CAST: variants seen among roughly 807,000 people sequenced by gnomAD.
CAST encodes the protein calpastatin.
CAST carries 76 observed loss-of-function variants against 119.6 expected under a neutral mutation model. The observed-to-expected ratio is 0.64, with a 90% CI of 0.53 to 0.77. The LOEUF (loss-of-function observed/expected upper bound fraction) is 0.77. CAST is among the 30% of genes least tolerant of loss of function. CAST has a pLI of 0.00. For missense variants in CAST, 953 were observed against 946.5 expected (o/e 1.01, Z -0.09); for synonymous variants, 319 against 331.6 (o/e 0.96, Z 0.41).
the CAST span, among the ~76,000 whole-genome samples, chr5:96,272,735 G>A: frequency 2.3e-4 from 35 of 152,238 alleles, no homozygotes; most frequent in African/African-American, 8.2e-4. Flanking sequence ...AAAATAGCTA[G>A]AAGGGAATAA....
chr5:96,544,730 G>T (rs1053771094), intron 1 of CAST, among the ~76,000 whole-genome samples: 1 of 151,740 alleles, frequency 6.6e-6, no homozygotes, highest in Admixed American at 6.6e-5. Context: ...GTAGAAAAGA[G>T]TTAAAAATAT....
the CAST span, among the ~76,000 whole-genome samples, chr5:96,456,720 G>T: frequency 6.6e-6 from 1 of 152,188 alleles, no homozygotes; most frequent in African/African-American, 2.4e-5. Flanking sequence ...ATCTAGAGAG[G>T]TAGTGATATA....
At chr5:96,648,500 T>C (rs1283829974) in intron 1 of CAST, among the ~76,000 whole-genome samples, 1 of 152,166 alleles carries the variant, frequency 6.6e-6, no homozygotes, top group Non-Finnish European at 1.5e-5. Flanking sequence ...TCTGTATATT[T>C]AAGTTTCAGC....
chr5:96,418,577 G>C, the CAST span, among the ~76,000 whole-genome samples: 1 of 151,944 alleles, frequency 6.6e-6, no homozygotes, highest in Non-Finnish European at 1.5e-5. Context: ...TCATTTACGT[G>C]GTAATAAAGA....
the CAST span, among the ~76,000 whole-genome samples, chr5:96,122,992 A>G: frequency 3.5e-3 from 530 of 152,280 alleles, 2 homozygotes; most frequent in African/African-American, 4.5e-3. Flanking sequence ...CCAGAGCACA[A>G]GAAATATCTC....
chr5:96,379,213 G>C, the CAST span, among the ~76,000 whole-genome samples: 4 of 152,072 alleles, frequency 2.6e-5, no homozygotes, highest in African/African-American at 9.7e-5. Context: ...TTGAATATTG[G>C]CTTAAAAAGT....
At chr5:96,554,388 T>G (rs1005102634) in intron 1 of CAST, among the ~76,000 whole-genome samples, 2 of 152,160 alleles carry the variant, frequency 1.3e-5, no homozygotes, top group African/African-American at 4.8e-5. Context: ...TCCTTACACC[T>G]GACACAAAAA....
At chr5:96,735,224 C>T (rs1370413954) in intron 9 of CAST, among the ~76,000 whole-genome samples, 3 of 152,226 alleles carry the variant, frequency 2.0e-5, no homozygotes, top group Admixed American at 2.0e-4. Flanking sequence ...TATAGATTCA[C>T]TTATCTAATA....
intron 1 of CAST, among the ~76,000 whole-genome samples, chr5:96,610,554 T>G (rs1747342167): frequency 6.6e-6 from 1 of 152,094 alleles, no homozygotes; most frequent in South Asian, 2.1e-4. Context: ...AGACCCACAA[T>G]GAACATCATA....
the CAST span, among the ~76,000 whole-genome samples, chr5:96,308,391 G>C: frequency 6.6e-6 from 1 of 151,774 alleles, no homozygotes; most frequent in Admixed American, 6.6e-5. Flanking sequence ...CCTTGCATTG[G>C]GTTAGAACAT....
the CAST span, among the ~76,000 whole-genome samples, chr5:96,226,609 A>G: frequency 6.6e-6 from 1 of 152,152 alleles, no homozygotes; most frequent in African/African-American, 2.4e-5. Context: ...GTGAGCCAAG[A>G]TCACACCACT....
the CAST span, among the ~76,000 whole-genome samples, chr5:96,000,366 TA>T: frequency 5.3e-5 from 8 of 152,366 alleles, no homozygotes; most frequent in South Asian, 1.7e-3. Flanking sequence ...TGCTTTCTGT[TA>T]TTTAGCTTCT....
chr5:96,482,545 A>C, the CAST span, among the ~76,000 whole-genome samples: 1 of 151,928 alleles, frequency 6.6e-6, no homozygotes, highest in Non-Finnish European at 1.5e-5. Flanking sequence ...TGGGAGTCTT[A>C]CCTGTTCTCA....
intron 3 of CAST, among the ~76,000 whole-genome samples, chr5:96,720,575 T>C (rs778651185): frequency 6.6e-6 from 1 of 152,254 alleles, no homozygotes; most frequent in Non-Finnish European, 1.5e-5. Context: ...AAAACTTTCA[T>C]GCAGTAATCT....
intron 1 of CAST, among the ~76,000 whole-genome samples, chr5:96,612,146 T>C (rs1747375773): frequency 6.6e-6 from 1 of 152,196 alleles, no homozygotes. Context: ...TGTACTTGTA[T>C]GTTCATGGCA....
the CAST span, among the ~76,000 whole-genome samples, chr5:96,146,260 C>G: frequency 1.3e-5 from 2 of 152,128 alleles, no homozygotes; most frequent in African/African-American, 2.4e-5. Context: ...GTCTGCTGAC[C>G]GCATGTGATA....
intron 3 of CAST, among the ~76,000 whole-genome samples, chr5:96,707,533 C>G (rs1268086715): frequency 2.0e-5 from 3 of 152,000 alleles, no homozygotes; most frequent in African/African-American, 7.3e-5. Flanking sequence ...ACTACAGGCA[C>G]GTGCCACCAC....
the CAST span, among the ~76,000 whole-genome samples, chr5:96,337,532 C>G: frequency 6.6e-6 from 1 of 152,234 alleles, no homozygotes; most frequent in African/African-American, 2.4e-5. Flanking sequence ...GCTCAGGACA[C>G]AGTAGCTAGG....
chr5:96,013,589 T>C, the CAST span, among the ~76,000 whole-genome samples: 1 of 152,078 alleles, frequency 6.6e-6, no homozygotes, highest in Non-Finnish European at 1.5e-5. Context: ...AGATGTGTTG[T>C]TAGGTGATTT....
Sources: gnomAD v4.1 joint callset for allele counts (sites outside exome capture counted in the v4.1 genomes callset) on GRCh38, gnomAD v4.1.1 for gene constraint, MANE v1.5 for transcripts, NCBI Gene and HGNC (gene_info 2026-07-23, HGNC 2026-07-21) for gene names.